RGS6: variants seen among roughly 807,000 people sequenced by gnomAD.
RGS6 encodes regulator of G protein signaling 6.
Under a neutral mutation model 78.5 loss-of-function variants are expected in RGS6, and 30 were observed. The ratio of observed to expected loss-of-function variants is 0.38; its 90% CI spans 0.29 to 0.52. The LOEUF (loss-of-function observed/expected upper bound fraction) is 0.52, where lower values mean the gene tolerates loss of function less well. Among genes scored for constraint, RGS6 ranks in the 20% least tolerant of loss-of-function variants. The pLI is 0.85. For missense variants in RGS6, 495 were observed against 609.7 expected, an observed-to-expected ratio of 0.81 and a Z score of 1.98; for synonymous variants, 206 against 206.0, an observed-to-expected ratio of 1.00 and a Z score of 0.00.
intron 2 of RGS6, among the ~76,000 whole-genome samples, chr14:72,203,177 G>A (rs560021106): frequency 2.8e-4 from 43 of 152,138 alleles, no homozygotes; most frequent in South Asian, 6.2e-4. Context: ...ACCCTGCCCT[G>A]ATCCTGTTTT....
At chr14:71,927,473 G>T (rs1207524555), upstream of RGS6, among the ~76,000 whole-genome samples, 1 of 152,050 alleles carries the variant, frequency 6.6e-6, no homozygotes, top group African/African-American at 2.4e-5. Context: ...TAATCAATTT[G>T]CTTGCCATAC....
At position 72,454,527 on chromosome 14, in the gene RGS6, G is replaced by C; in HGVS notation, c.185-1G>C. 1 of 1,614,050 alleles carries C rather than the reference G, an allele frequency of 6.2e-7. No homozygotes were observed. The highest frequency in any genetic ancestry group is 1.1e-5 in the South Asian group (1 of 91,076). Reference sequence around the variant, plus strand: ...CAGCTGAAATTGCTTTATCGTTGCAGGTACTGACATTGTGCAGTGGCTTAT... The same window carrying C: ...CAGCTGAAATTGCTTTATCGTTGCACGTACTGACATTGTGCAGTGGCTTAT... On this transcript the variant is annotated splice_acceptor_variant, in intron 3 of 17. Transcript: ENST00000553525. LOFTEE classifies it high-confidence loss of function.
At position 72,509,877 on chromosome 14, in the gene RGS6, T is replaced by C. The variant is rs2286072; in HGVS notation, c.966-277T>C. Among the ~76,000 whole-genome samples the C allele has an allele frequency of 0.095, 14,475 of 152,028 alleles. 807 individuals carry two copies. The highest frequency in any genetic ancestry group is 0.17 in the South Asian group (791 of 4,790). ...TAATTGATAGGAATGGTCCAGGGAG[T>C]TTAATCAATGGCATGGTAGACAGCA... On this transcript the variant is annotated intron_variant, in intron 13 of 17. Transcript: ENST00000553525.
chr14:72,600,828 C>T, the RGS6 span, among the ~76,000 whole-genome samples: 1 of 152,146 alleles, frequency 6.6e-6, no homozygotes, highest in Non-Finnish European at 1.5e-5. Flanking sequence ...CCCAGCCTCT[C>T]CCCTGCCGCA....
At chr14:72,009,442 G>A (rs976293074) in intron 2 of RGS6, among the ~76,000 whole-genome samples, 16 of 152,214 alleles carry the variant, frequency 1.1e-4, no homozygotes, top group Admixed American at 2.0e-4. Context: ...ACAATACGAT[G>A]CTGGAGGAAT....
chr14:72,442,178 A>G (rs1057069820), intron 3 of RGS6, among the ~76,000 whole-genome samples: 1 of 152,012 alleles, frequency 6.6e-6, no homozygotes, highest in African/African-American at 2.4e-5. Flanking sequence ...AGTGCTTTGT[A>G]TGTAGGTCAT....
At chr14:72,414,633 G>A (rs1026430493) in intron 3 of RGS6, among the ~76,000 whole-genome samples, 1 of 152,192 alleles carries the variant, frequency 6.6e-6, no homozygotes, top group Non-Finnish European at 1.5e-5. Context: ...AGGAGGAGAG[G>A]TGCTCTGATT....
At chr14:72,557,437 G>C (rs749238928) in intron 17 of RGS6, among the ~76,000 whole-genome samples, 1 of 152,108 alleles carries the variant, frequency 6.6e-6, no homozygotes, top group Admixed American at 6.6e-5. Context: ...GCAACCTTCC[G>C]GGAGTCACCC....
chr14:72,429,042 A>C (rs141836880), intron 3 of RGS6, among the ~76,000 whole-genome samples: 1 of 152,164 alleles, frequency 6.6e-6, no homozygotes, highest in Non-Finnish European at 1.5e-5. Context: ...CTCTACTAAA[A>C]TACAAAAAAA....
intron 2 of RGS6, among the ~76,000 whole-genome samples, chr14:72,224,715 G>A (rs1394208697): frequency 6.6e-6 from 1 of 152,130 alleles, no homozygotes; most frequent in African/African-American, 2.4e-5. Context: ...ACAAATGTGT[G>A]TGCATCAGTA....
rs1330689615 is a variant in RGS6 at position 72,292,024 on chromosome 14, G to A, written c.85-60071G>A. 2.1e-5 allele frequency among the ~76,000 whole-genome samples: 3 copies of A among 145,616 alleles called. No homozygotes were observed. The Admixed American group carries it at 2.1e-4, about 10-fold the overall frequency. ...ATCTGGCGTCACACAGCACACTCCA[G>A]AGGAAGCCAAGCCTAAGAGACATGA... On this transcript the variant is annotated intron_variant, in intron 2 of 17. Coordinates refer to ENST00000553525, the MANE Select transcript of RGS6 (RefSeq NM_001204424.2).
chr14:72,208,374 C>T (rs1854097249), intron 2 of RGS6, among the ~76,000 whole-genome samples: 1 of 152,190 alleles, frequency 6.6e-6, no homozygotes. Flanking sequence ...CGATGCCTGA[C>T]CAGCTCTTCC....
At chr14:72,497,237 C>A (rs1380429052) in intron 13 of RGS6, among the ~76,000 whole-genome samples, 1 of 152,142 alleles carries the variant, frequency 6.6e-6, no homozygotes, top group African/African-American at 2.4e-5. Context: ...CACATTCTTA[C>A]CATCCCAAGC....
At chr14:72,061,666 T>C (rs2093903376) in intron 2 of RGS6, among the ~76,000 whole-genome samples, 1 of 152,194 alleles carries the variant, frequency 6.6e-6, no homozygotes, top group Non-Finnish European at 1.5e-5. Context: ...AGATGCATGA[T>C]ACCTTTAAAA....
At chr14:72,625,410 GAC>G in the RGS6 span, among the ~76,000 whole-genome samples, 20 of 152,034 alleles carry the variant, frequency 1.3e-4, no homozygotes, top group Non-Finnish European at 2.2e-4. Flanking sequence ...GTGTCCTCTA[GAC>G]GCATGAAAAT....
the RGS6 span, among the ~76,000 whole-genome samples, chr14:71,908,972 A>G: frequency 2.0e-5 from 3 of 152,242 alleles, no homozygotes; most frequent in Non-Finnish European, 4.4e-5. Flanking sequence ...CCAAGTCTGC[A>G]GAATGTCCAG....
chr14:72,164,940 T>C (rs2044629173), intron 2 of RGS6, among the ~76,000 whole-genome samples: 1 of 152,080 alleles, frequency 6.6e-6, no homozygotes, highest in Non-Finnish European at 1.5e-5. Flanking sequence ...AAAATCAGGG[T>C]AAATTTGCAA....
intron 2 of RGS6, among the ~76,000 whole-genome samples, chr14:72,075,878 C>T (rs1475945712): frequency 6.6e-6 from 1 of 152,184 alleles, no homozygotes; most frequent in Non-Finnish European, 1.5e-5. Context: ...CATCAGTTGT[C>T]TCTATTCGTC....
chr14:72,026,311 G>A (rs990058101), intron 2 of RGS6, among the ~76,000 whole-genome samples: 2 of 152,096 alleles, frequency 1.3e-5, no homozygotes, highest in African/African-American at 4.8e-5. Context: ...GGAGGCTGAG[G>A]CAGAAGAATC....
Sources: gnomAD v4.1 joint callset for allele counts (sites outside exome capture counted in the v4.1 genomes callset) on GRCh38, gnomAD v4.1.1 for gene constraint, MANE v1.5 for transcripts, NCBI Gene and HGNC (gene_info 2026-07-23, HGNC 2026-07-21) for gene names.